Variants in LSAMP observed in about 807,000 individuals in gnomAD.
LSAMP encodes the protein limbic system associated membrane protein, also known as limbic system-associated membrane protein.
In LSAMP, 7 loss-of-function variants were observed where a neutral mutation model predicts 38.6. The ratio of observed to expected loss-of-function variants is 0.18; its 90% CI spans 0.10 to 0.34. The LOEUF is 0.34. LSAMP is among the 10% of genes least tolerant of loss of function. The pLI, the probability that LSAMP is intolerant of heterozygous loss-of-function variation, is 1.00. For missense variants in LSAMP, 313 were observed against 420.0 expected, an observed-to-expected ratio of 0.75 and a Z score of 2.23; for synonymous variants, 154 against 166.8, an observed-to-expected ratio of 0.92 and a Z score of 0.59.
chr3:116,085,865 T>C (rs1707977782), intron 2 of LSAMP, among the ~76,000 whole-genome samples: 1 of 152,214 alleles, frequency 6.6e-6, no homozygotes, highest in Non-Finnish European at 1.5e-5. Context: ...TGGAAAATTT[T>C]ATTTTTTCAG....
intron 3 of LSAMP, among the ~76,000 whole-genome samples, chr3:115,863,453 T>A (rs937306384): frequency 5.9e-5 from 9 of 152,132 alleles, no homozygotes; most frequent in East Asian, 1.9e-4. Context: ...TGAGTTTTTT[T>A]ATCTATTGAA....
chr3:116,041,804 A>AC (rs1559930921), intron 2 of LSAMP, among the ~76,000 whole-genome samples: 2 of 142,786 alleles, frequency 1.4e-5, no homozygotes, highest in African/African-American at 5.9e-5. Context: ...TGCAAAAAAA[A>AC]ACAAAACAAA....
chr3:115,991,952 C>T (rs1939682455), intron 3 of LSAMP, among the ~76,000 whole-genome samples: 1 of 152,012 alleles, frequency 6.6e-6, no homozygotes, highest in African/African-American at 2.4e-5. Flanking sequence ...CTTTTCCCCA[C>T]CCATGTTTGC....
At chr3:115,881,447 T>G (rs1449051477) in intron 3 of LSAMP, among the ~76,000 whole-genome samples, 2 of 152,202 alleles carry the variant, frequency 1.3e-5, no homozygotes, top group African/African-American at 4.8e-5. Flanking sequence ...TGCATTGTTT[T>G]CAGCCTTGCA....
intron 1 of LSAMP, among the ~76,000 whole-genome samples, chr3:116,262,146 CT>C (rs1018747839): frequency 6.6e-6 from 1 of 151,898 alleles, no homozygotes; most frequent in Non-Finnish European, 1.5e-5. Context: ...ATTTTAGGAC[CT>C]TTTTACCTAA....
intron 1 of LSAMP, among the ~76,000 whole-genome samples, chr3:116,426,626 G>A (rs2049200071): frequency 6.6e-6 from 1 of 152,016 alleles, no homozygotes; most frequent in Non-Finnish European, 1.5e-5. Context: ...GAAAAATAAA[G>A]GCAAAATAAT....
At chr3:115,948,789 A>G (rs11923285) in intron 3 of LSAMP, among the ~76,000 whole-genome samples, 144,763 of 152,272 alleles carry the variant, frequency 0.95, 69,207 homozygotes, top group East Asian at 1. Context: ...TCAGAGCAGA[A>G]CTAAATAAAA....
intron 4 of LSAMP, among the ~76,000 whole-genome samples, chr3:115,851,556 A>G (rs1425372266): frequency 6.6e-6 from 1 of 152,244 alleles, no homozygotes; most frequent in Non-Finnish European, 1.5e-5. Context: ...ACATGAGATG[A>G]CAGAAAGTAC....
At chr3:116,222,745 TTTTTTTTTTTTG>T (rs1411994607) in intron 1 of LSAMP, among the ~76,000 whole-genome samples, 53 of 76,552 alleles carry the variant, frequency 6.9e-4, no homozygotes, top group Middle Eastern at 0.014. Flanking sequence ...TTTTTTTTTT[TTTTTTTTTTTTG>T]AGATGGAGTC....
chr3:116,028,814 G>C (rs896570562), intron 2 of LSAMP, among the ~76,000 whole-genome samples: 1 of 152,006 alleles, frequency 6.6e-6, no homozygotes. Context: ...GTAGATAATT[G>C]CTATAATTTA....
intron 1 of LSAMP, among the ~76,000 whole-genome samples, chr3:116,146,162 C>A (rs1709485780): frequency 6.6e-6 from 1 of 151,774 alleles, no homozygotes; most frequent in South Asian, 2.1e-4. Context: ...AAAGTTCTAG[C>A]TTTATTCAGT....
At position 115,803,292 on chromosome 3, in the gene LSAMP, A is replaced by G. The variant is rs1455597698; in HGVS notation, c.*7025T>C. The G allele has an allele frequency of 6.6e-6, 1 of 152,180 alleles. No individual in the cohort carries two copies. The highest frequency in any genetic ancestry group is 2.4e-5 in the African/African-American group (1 of 41,450). 9.4% of individuals were successfully genotyped at this position (152,180 alleles called of 1,614,324 possible). On this transcript the variant is annotated 3_prime_UTR_variant, in exon 7 of 7. Coordinates refer to ENST00000490035, the MANE Select transcript of LSAMP (RefSeq NM_002338.5). ...CATATATCCTTACCTACACAAAGTG[A>G]TGTGATTGCTGGGAAGTGATGAACA...
chr3:116,353,109 T>C (rs914404937), intron 1 of LSAMP, among the ~76,000 whole-genome samples: 1 of 152,222 alleles, frequency 6.6e-6, no homozygotes, highest in Admixed American at 6.5e-5. Context: ...ATCTGACCTC[T>C]GGATAATCAG....
intron 6 of LSAMP, among the ~76,000 whole-genome samples, chr3:115,816,131 G>C (rs1409500231): frequency 6.6e-6 from 1 of 152,156 alleles, no homozygotes. Context: ...CTGGTCTGGG[G>C]TTAGACACTG....
chr3:116,445,050 C>A lies in LSAMP; in HGVS notation c.-19G>T, dbSNP rs767991480. 1 of 1,602,100 alleles carries A rather than the reference C, an allele frequency of 6.2e-7. No individual in the cohort carries two copies. Among genetic ancestry groups the A allele is most frequent in the Non-Finnish European group, 8.5e-7 (1 of 1,172,852 alleles). ...TGACCATGGTGGCCACGCCGAGGTG[C>A]GGGTCCGCGGGGTGCTCTGGAGGGG... On this transcript the variant is annotated 5_prime_UTR_variant, in exon 1 of 7. Coordinates refer to ENST00000490035, the MANE Select transcript of LSAMP (RefSeq NM_002338.5).
intron 1 of LSAMP, among the ~76,000 whole-genome samples, chr3:116,404,791 A>G (rs867517306): frequency 1.3e-5 from 2 of 152,196 alleles, no homozygotes; most frequent in Non-Finnish European, 2.9e-5. Context: ...CTCAGAATTT[A>G]CAGGAGAAAT....
At chr3:116,198,497 C>T (rs770871010) in intron 1 of LSAMP, among the ~76,000 whole-genome samples, 2 of 152,070 alleles carry the variant, frequency 1.3e-5, no homozygotes, top group Admixed American at 1.3e-4. Context: ...GAGCTGGGCA[C>T]GGTGGCTCAC....
intron 6 of LSAMP, among the ~76,000 whole-genome samples, chr3:115,839,761 AT>A (rs781037954): frequency 5.3e-5 from 8 of 152,226 alleles, no homozygotes; most frequent in Admixed American, 1.3e-4. Context: ...GAAGTACATC[AT>A]TAATCACTGC....
At position 116,257,570 on chromosome 3, in the gene LSAMP, A is replaced by AT. The variant is rs372830820; in HGVS notation, c.156-171015dup. Among the ~76,000 whole-genome samples, 82 of 151,252 alleles carry AT rather than the reference A, an allele frequency of 5.4e-4. 1 individual carries two copies. The highest frequency in any genetic ancestry group is 2.1e-3 in the East Asian group (11 of 5,156). ...TGCACTTTCTGACATAAAATTAAAG[A>AT]TTTTTTTTTTCTGAATATTTGCTGC... On this transcript the variant is annotated intron_variant, in intron 1 of 6. Coordinates refer to ENST00000490035, the MANE Select transcript of LSAMP (RefSeq NM_002338.5).
Sources: gnomAD v4.1 joint callset for allele counts (sites outside exome capture counted in the v4.1 genomes callset) on GRCh38, gnomAD v4.1.1 for gene constraint, MANE v1.5 for transcripts, NCBI Gene and HGNC (gene_info 2026-07-23, HGNC 2026-07-21) for gene names.